Variants in RTN4RL1 observed in about 807,000 individuals in gnomAD.
The protein encoded by RTN4RL1 is reticulon-4 receptor-like 1.
Under a neutral mutation model 25.6 loss-of-function variants are expected in RTN4RL1, and 7 were observed. The ratio of observed to expected loss-of-function variants is 0.27; its 90% CI spans 0.16 to 0.51. The LOEUF (loss-of-function observed/expected upper bound fraction) is 0.51. Among genes scored for constraint, RTN4RL1 ranks in the 20% least tolerant of loss-of-function variants. The pLI is 0.97. For missense variants in RTN4RL1, 500 were observed against 615.6 expected (o/e 0.81, Z 1.99); for synonymous variants, 297 against 288.2 (o/e 1.03, Z -0.31).
At chr17:1,972,800 C>T (rs982722137) in intron 1 of RTN4RL1, among the ~76,000 whole-genome samples, 5 of 152,194 alleles carry the variant, frequency 3.3e-5, no homozygotes, top group Non-Finnish European at 7.3e-5. Context: ...CTCCACAGGC[C>T]CATTTTCTAT....
intron 1 of RTN4RL1, 115 bp downstream of exon 1, chr17:2,024,738 C>T: frequency 1.8e-6 from 2 of 1,086,464 alleles, no homozygotes; most frequent in Non-Finnish European, 2.6e-6. Context: ...CAAAACCCAC[C>T]AGCCCGCCGG....
chr17:1,947,547 G>T (rs980220167), intron 1 of RTN4RL1, among the ~76,000 whole-genome samples: 1 of 152,210 alleles, frequency 6.6e-6, no homozygotes, highest in Non-Finnish European at 1.5e-5. Flanking sequence ...CCTCCAGCAC[G>T]CCAGGATCGC....
In RTN4RL1 at chr17:2,017,409, C is replaced by T. The variant is rs567810166; in HGVS notation, c.13+7444G>A. Among the ~76,000 whole-genome samples the T allele has an allele frequency of 4.6e-5, 7 of 152,348 alleles. No homozygotes were observed. In the South Asian group the frequency reaches 1.4e-3, roughly 32 times the overall value. ...GCAGACATGTCACGAGTCGTGCCCACCCACCCCCTGTGAGGGCGAGCCACA... is the reference window on the plus strand; with the variant it reads ...GCAGACATGTCACGAGTCGTGCCCATCCACCCCCTGTGAGGGCGAGCCACA... On this transcript the variant is annotated intron_variant, in intron 1 of 1. Transcript: ENST00000331238.
chr17:1,949,808 G>A (rs939570600), intron 1 of RTN4RL1, among the ~76,000 whole-genome samples: 4 of 152,246 alleles, frequency 2.6e-5, no homozygotes, highest in African/African-American at 9.6e-5. Context: ...AAAGGGTTGA[G>A]ATAGAGACAA....
intron 1 of RTN4RL1, among the ~76,000 whole-genome samples, chr17:1,940,277 T>C (rs1280254778): frequency 1.3e-5 from 2 of 152,198 alleles, no homozygotes; most frequent in African/African-American, 4.8e-5. Context: ...CGGTTGCGAA[T>C]TCAGAGGAAT....
chr17:1,996,783 T>TA (rs1024844333), intron 1 of RTN4RL1, among the ~76,000 whole-genome samples: 4 of 151,942 alleles, frequency 2.6e-5, no homozygotes, highest in Non-Finnish European at 4.4e-5. Flanking sequence ...CTAATGCTCC[T>TA]AAAAAAAACC....
intron 1 of RTN4RL1, among the ~76,000 whole-genome samples, chr17:2,015,170 A>T (rs939249129): frequency 1.3e-5 from 2 of 152,180 alleles, no homozygotes; most frequent in African/African-American, 4.8e-5. Context: ...AAAGGGCATC[A>T]TGGGAGAAGG....
At chr17:1,974,681 C>G (rs919049194) in intron 1 of RTN4RL1, among the ~76,000 whole-genome samples, 1 of 136,870 alleles carries the variant, frequency 7.3e-6, no homozygotes, top group Non-Finnish European at 1.5e-5. Context: ...CTGACCAGAG[C>G]GAGAACTTTG....
At chr17:1,942,860 G>A (rs552471991) in intron 1 of RTN4RL1, among the ~76,000 whole-genome samples, 60 of 152,284 alleles carry the variant, frequency 3.9e-4, no homozygotes, top group African/African-American at 1.4e-3. Flanking sequence ...CAGCCCGTGC[G>A]AAGGCCCTGC....
chr17:1,988,094 G>A (rs533370458), intron 1 of RTN4RL1, among the ~76,000 whole-genome samples: 3 of 150,604 alleles, frequency 2.0e-5, no homozygotes, highest in East Asian at 2.0e-4. Flanking sequence ...AAACAAGAGC[G>A]AAACTCCATC....
chr17:2,002,071 C>T (rs1258905433), intron 1 of RTN4RL1, among the ~76,000 whole-genome samples: 1 of 150,918 alleles, frequency 6.6e-6, no homozygotes. Flanking sequence ...TGACAAGCAT[C>T]GGAGGTTGGG....
chr17:1,938,529 C>T (rs1175071686), intron 1 of RTN4RL1, among the ~76,000 whole-genome samples: 1 of 151,458 alleles, frequency 6.6e-6, no homozygotes, highest in African/African-American at 2.4e-5. Flanking sequence ...CTCGAACTCC[C>T]CGCCTCAGGT....
In RTN4RL1 at chr17:1,935,886, C is replaced by T. The variant is rs1054832612; in HGVS notation, c.*610G>A. ...TTTCCTTTGGTAATTGGTTCTTGGA[C>T]CCCAGCAGTTGGACCTGGGTCTGCC... On this transcript the variant is annotated 3_prime_UTR_variant, in exon 2 of 2. Coordinates refer to ENST00000331238, the MANE Select transcript of RTN4RL1 (RefSeq NM_178568.4). 1.2e-5 allele frequency: 12 copies of T among 985,336 alleles called. No homozygotes were observed. In the African/African-American group the frequency reaches 1.8e-4, roughly 14 times the overall value. 61.0% of individuals were successfully genotyped at this position (985,336 alleles called of 1,614,324 possible). A position where few individuals can be genotyped will look rare whatever the true frequency, so the allele number is the denominator to read the frequency against.
chr17:1,957,579 A>C (rs989102829), intron 1 of RTN4RL1, among the ~76,000 whole-genome samples: 1 of 152,100 alleles, frequency 6.6e-6, no homozygotes, highest in Non-Finnish European at 1.5e-5. Flanking sequence ...AGTGGCTCAC[A>C]CCTGTAATCC....
chr17:1,949,705 C>T (rs1055413364), intron 1 of RTN4RL1, among the ~76,000 whole-genome samples: 1 of 152,180 alleles, frequency 6.6e-6, no homozygotes, highest in Non-Finnish European at 1.5e-5. Flanking sequence ...TCGGCTCCTT[C>T]CCTCCTGGGG....
intron 1 of RTN4RL1, among the ~76,000 whole-genome samples, chr17:1,984,517 A>G (rs1488835174): frequency 6.6e-6 from 1 of 152,150 alleles, no homozygotes; most frequent in East Asian, 1.9e-4. Context: ...CCAGGAGCCC[A>G]TGGTGCCTGG....
chr17:1,989,952 C>A (rs1434248893), intron 1 of RTN4RL1, among the ~76,000 whole-genome samples: 2 of 151,544 alleles, frequency 1.3e-5, no homozygotes, highest in African/African-American at 4.9e-5. Context: ...AAGACCCTGT[C>A]TCTACAAAAA....
rs537751388 is a variant in RTN4RL1 at position 1,948,704 on chromosome 17, C to T, written c.14-10896G>A. Among the ~76,000 whole-genome samples, 14 of 152,078 alleles carry T rather than the reference C, an allele frequency of 9.2e-5. No individual in the cohort carries two copies. In the South Asian group the frequency reaches 2.7e-3, roughly 29 times the overall value. On this transcript the variant is annotated intron_variant, in intron 1 of 1. Transcript: ENST00000331238. ...GTTACCTCCGTGGCGACGAGACCGT[C>T]CTCGGTGGCAAATGTCTGTTTGTGA...
chr17:2,017,871 A>C (rs2067146835), intron 1 of RTN4RL1: 1 of 152,274 alleles, frequency 6.6e-6, no homozygotes, highest in South Asian at 2.1e-4. Flanking sequence ...ACCACAGCGG[A>C]GGAGGCCTCC....
Sources: gnomAD v4.1 joint callset for allele counts (sites outside exome capture counted in the v4.1 genomes callset) on GRCh38, gnomAD v4.1.1 for gene constraint, MANE v1.5 for transcripts, NCBI Gene and HGNC (gene_info 2026-07-23, HGNC 2026-07-21) for gene names.